The following SARS2 variants were observed in gnomAD, a reference collection of about 807,000 sequenced individuals.
SARS2 encodes the protein seryl-tRNA synthetase 2, mitochondrial.
In SARS2, 52 loss-of-function variants were observed where a neutral mutation model predicts 66.8. The observed-to-expected ratio is 0.78, with a 90% confidence interval of 0.62 to 0.98. SARS2 has a LOEUF of 0.98. SARS2 is among the 50% of genes least tolerant of loss of function. The pLI is 0.00. For missense variants in SARS2, 673 were observed against 706.3 expected, an observed-to-expected ratio of 0.95 and a Z score of 0.53; for synonymous variants, 306 against 281.4, an observed-to-expected ratio of 1.09 and a Z score of -0.87.
At chr19:38,919,888 C>T (rs762762107) in intron 6 of SARS2, 21 bp from the exon 7 acceptor site, 11 of 1,604,400 alleles carry the variant, frequency 6.9e-6, no homozygotes, top group East Asian at 2.2e-5. Context: ...GACAGACAGG[C>T]GGGTGCACAT....
At chr19:38,921,872 G>A (rs1600168320) in intron 3 of SARS2, 7 of 1,348,326 alleles carry the variant, frequency 5.2e-6, no homozygotes, top group South Asian at 2.5e-5. Context: ...CAACTAGAAC[G>A]TTCTATTGCC....
Position 38,917,771 on chromosome 19 carries a change from G to T in SARS2, c.1113C>A (p.Phe371Leu), listed in dbSNP as rs1271242337. 1.2e-6 allele frequency: 2 copies of T among 1,614,114 alleles called. No individual in the cohort carries two copies. Among genetic ancestry groups the T allele is most frequent in the Non-Finnish European group, 1.7e-6 (2 of 1,179,992 alleles). ...TCAAGATCTCCATCTGAAGGGACAGGAACTCCTCCAGCAGCTGTGAGCTCT... is the reference window on the plus strand; with the variant it reads ...TCAAGATCTCCATCTGAAGGGACAGTAACTCCTCCAGCAGCTGTGAGCTCT... ...LEQSSQLLEE[F>L]LSLQMEILTE... The change falls in exon 12 of 16, where the codon TTC becomes TTA. Residue 371 changes from phenylalanine to leucine, a missense_variant. Phe to Leu is a conservative substitution (Grantham distance 22, BLOSUM62 0). Coordinates refer to ENST00000221431, the MANE Select transcript of SARS2 (RefSeq NM_017827.4).
At chr19:38,919,918 T>C in intron 6 of SARS2, 51 bp from the exon 7 acceptor site, 4 of 1,545,140 alleles carry the variant, frequency 2.6e-6, no homozygotes, top group East Asian at 2.3e-5. Context: ...TGGCAGGGAA[T>C]GTGGGGATGA....
At position 38,930,670 on chromosome 19, in the gene SARS2, C is replaced by G. The variant is rs763672575; in HGVS notation, c.67G>C (p.Gly23Arg). ...CTTGGACTATCGTTGGAGATGCAGC[C>G]TCCCCGGGGCCGGAACCCCCGACGA... ...LTRRGFRPRG[G>R]CISNDSPRRS... is the part of the protein sequence containing the mutation. The change falls in exon 1 of 16, where the codon GGC (glycine) becomes CGC (arginine). Residue 23 changes from glycine to arginine, a missense_variant. By Grantham distance (125) the Gly-to-Arg change is moderately radical. Transcript: ENST00000221431. 2.5e-6 allele frequency: 4 copies of G among 1,613,974 alleles called. No homozygotes were observed. The highest frequency in any genetic ancestry group is 1.6e-4 in the Middle Eastern group (1 of 6,084).
chr19:38,917,825 C>T lies in SARS2; in HGVS notation c.1059G>A (p.Met353Ile). 3 of 1,614,170 alleles carry T rather than the reference C, an allele frequency of 1.9e-6. No individual in the cohort carries two copies. The highest frequency in any genetic ancestry group is 2.2e-5 in the South Asian group (2 of 91,088). Residue 353 changes from methionine to isoleucine, a missense_variant, in exon 12 of 16, where the codon ATG becomes ATA. By Grantham distance (10) the Met-to-Ile change is conservative. Transcript: ENST00000221431. ...CCAGCCCAGGGCCTGTCACCCCAAA[C>T]ATCTCCACCTGGGACAGAGGGCACA... ...YRVHHFTKVE[M>I]FGVTGPGLEQ...
At position 38,915,344 on chromosome 19, in the gene SARS2, C is replaced by T; in HGVS notation, c.*262G>A. 1.8e-6 allele frequency: 1 copy of T among 556,194 alleles called. No homozygotes were observed. Among genetic ancestry groups the T allele is most frequent in the South Asian group, 2.5e-5 (1 of 39,246 alleles). 34.5% of individuals were successfully genotyped at this position (556,194 alleles called of 1,614,324 possible). On this transcript the variant is annotated 3_prime_UTR_variant, in exon 16 of 16. Transcript: ENST00000221431. ...AGGAAGGAGGGATGGAAGCCTCTTC[C>T]TCTGCTTCTCCTGTCCCTAGAACCG...
chr19:38,918,681 G>T, intron 8 of SARS2, 85 bp downstream of exon 8: 1 of 1,482,572 alleles, frequency 6.7e-7, no homozygotes, highest in South Asian at 1.2e-5. Context: ...GCCCCAGGGC[G>T]GTCTCCTCAG....
At chr19:38,920,556 G>C (rs571961961) in intron 5 of SARS2, among the ~76,000 whole-genome samples, 1 of 151,320 alleles carries the variant, frequency 6.6e-6, no homozygotes, top group African/African-American at 2.4e-5. Context: ...GAGAGACAGA[G>C]ACACACACAC....
rs373589241 is a variant in SARS2 at position 38,930,444 on chromosome 19, C to A, written c.267+26G>T. ...TCTTCCGTAAAGCAAACGTCTGCGCCCCCCGGCCGGCGCAGGCGCACTCAC... is the reference window on the plus strand; with the variant it reads ...TCTTCCGTAAAGCAAACGTCTGCGCACCCCGGCCGGCGCAGGCGCACTCAC... On this transcript the variant is annotated intron_variant, in intron 1 of 15. Coordinates refer to ENST00000221431, the MANE Select transcript of SARS2 (RefSeq NM_017827.4). The A allele has an allele frequency of 1.5e-5, 23 of 1,579,882 alleles. No individual in the cohort carries two copies. In the African/African-American group the frequency reaches 2.8e-4, roughly 19 times the overall value.
chr19:38,930,347 G>C (rs1974712170), intron 1 of SARS2, 123 bp downstream of exon 1: 1 of 1,302,250 alleles, frequency 7.7e-7, no homozygotes. Flanking sequence ...CAAGACGTTG[G>C]CTAACTTGGG....
At chr19:38,922,434 G>A (rs1199760494) in intron 2 of SARS2, among the ~76,000 whole-genome samples, 167 bp from the exon 3 acceptor site, 32 of 152,144 alleles carry the variant, frequency 2.1e-4, no homozygotes, top group Admixed American at 2.0e-3. Context: ...TATTGCTAAC[G>A]CTACAAGGAG....
In SARS2 at chr19:38,930,591, C is replaced by T. The variant is rs577688657; in HGVS notation, c.146G>A (p.Arg49His). The T allele has an allele frequency of 8.3e-5, 134 of 1,613,940 alleles. No individual in the cohort carries two copies. Among genetic ancestry groups the T allele is most frequent in the Non-Finnish European group, 1.1e-4 (130 of 1,180,038 alleles). Reference protein sequence around the residue: ...RNRNLLYEYAREGYSALPQLD... With the variant: ...RNRNLLYEYAHEGYSALPQLD... ...CTGAGGGAGTGCGCTGTAGCCCTCG[C>T]GCGCATACTCGTACAGGAGGTTCCG... is the stretch of plus-strand genomic sequence containing the variant. The change falls in exon 1 of 16, where the codon CGC (arginine) becomes CAC (histidine). Residue 49 changes from arginine to histidine, a missense_variant. Physicochemically the swap from Arg to His is conservative, Grantham distance 29 (BLOSUM62 0). Coordinates refer to ENST00000221431, the MANE Select transcript of SARS2 (RefSeq NM_017827.4).
rs547375605 is a variant in SARS2, at chr19:38,915,444, G to C, written c.*162C>G. The C allele has an allele frequency of 1.4e-6, 1 of 725,880 alleles. No individual in the cohort carries two copies. Among genetic ancestry groups the C allele is most frequent in the Admixed American group, 2.5e-5 (1 of 39,396 alleles). 45.0% of individuals were successfully genotyped at this position (725,880 alleles called of 1,614,324 possible). A position where few individuals can be genotyped will look rare whatever the true frequency, so the allele number is the denominator to read the frequency against. On this transcript the variant is annotated 3_prime_UTR_variant, in exon 16 of 16. Transcript: ENST00000221431. ...TCAGTGACTGACTCTGAGGCAGCAA[G>C]GACAGAGGAGAGGTGGACCCCGTGG...
At chr19:38,918,072 G>A in intron 10 of SARS2, 22 bp downstream of exon 10, 2 of 1,605,606 alleles carry the variant, frequency 1.2e-6, no homozygotes, top group Non-Finnish European at 8.5e-7. Context: ...TGGGGTCAAG[G>A]TCTAAGGAAA....
At chr19:38,924,898 G>A (rs1974602316) in intron 2 of SARS2, among the ~76,000 whole-genome samples, 1 of 152,184 alleles carries the variant, frequency 6.6e-6, no homozygotes, top group Non-Finnish European at 1.5e-5. Context: ...TGGCTGTGAG[G>A]ATTAAGAGTA....
rs749967210 is a variant in SARS2 at position 38,921,626 on chromosome 19, G to A, written c.435C>T (p.Ile145=). The change falls in exon 4 of 16, where the codon ATC becomes ATT. Residue 145 remains isoleucine (I), a synonymous_variant. Transcript: ENST00000221431. The stretch of plus-strand genomic sequence containing the variant: ...GGTACAGGTGAACAAGCTCCTTCCG[G>A]ATCTCCCGGCCACGTGCCCGCAGAC... The part of the protein sequence containing the change: ...YQGLRARGRE[I]RKELVHLYPR... 2 of 1,614,098 alleles carry A rather than the reference G, an allele frequency of 1.2e-6. No homozygotes were observed. The highest frequency in any genetic ancestry group is 1.3e-5 in the African/African-American group (1 of 74,938).
chr19:38,930,496 G>C lies in SARS2; in HGVS notation c.241C>G (p.Leu81Val). 1 of 1,605,064 alleles carries C rather than the reference G, an allele frequency of 6.2e-7. No homozygotes were observed. The highest frequency in any genetic ancestry group is 8.5e-7 in the Non-Finnish European group (1 of 1,174,576). The change falls in exon 1 of 16, where the codon CTG (leucine) becomes GTG (valine). Residue 81 changes from leucine (L) to valine (V), a missense_variant. Leu to Val is a conservative substitution (Grantham distance 32). Transcript: ENST00000221431. ...ATCGCGGGCAGGTCCGCCGAGCGCA[G>C]CTCCCCCTTGCGGAGCTCCAGGGCG... ...AHALELRKGE[L>V]RSADLPAIIS...
chr19:38,916,359 G>A (rs966202315), intron 12 of SARS2, 45 bp from the exon 13 acceptor site: 8 of 1,529,088 alleles, frequency 5.2e-6, no homozygotes, highest in Non-Finnish European at 7.2e-6. Flanking sequence ...CGGGTGAGAG[G>A]AGGAGCAAGA....
intron 3 of SARS2, 51 bp from the exon 4 acceptor site, chr19:38,921,718 A>T (rs1974540939): frequency 6.2e-7 from 1 of 1,607,782 alleles, no homozygotes; most frequent in Non-Finnish European, 8.5e-7. Context: ...GGACTCCCTC[A>T]TCCAGTGTGA....
Sources: allele counts gnomAD v4.1 joint callset (sites outside exome capture counted in the v4.1 genomes callset), GRCh38; gene constraint gnomAD v4.1.1; transcripts MANE v1.5; gene names NCBI Gene and HGNC (gene_info 2026-07-23, HGNC 2026-07-21).